FN1: variants seen among roughly 807,000 people sequenced by gnomAD.
The protein encoded by FN1 is fibronectin.
A neutral mutation model predicts 297.3 loss-of-function variants in FN1; 106 were observed. That is an observed-to-expected ratio of 0.36 (90% CI 0.30 to 0.42). The LOEUF is 0.42. FN1 is among the 10% of genes least tolerant of loss of function. The pLI, the probability that FN1 is intolerant of heterozygous loss-of-function variation, is 1.00. For synonymous variants in FN1, 1,149 were observed against 1,152.6 expected (o/e 1.00, Z 0.06); for missense variants, 2,690 against 3,124.9 (o/e 0.86, Z 3.32).
intron 20 of FN1, among the ~76,000 whole-genome samples, 160 bp from the exon 21 acceptor site, chr2:215,399,511 G>A (rs377031958): frequency 6.6e-6 from 1 of 152,160 alleles, no homozygotes; most frequent in African/African-American, 2.4e-5. Context: ...GAGAGGATCA[G>A]GCTTCTCAAT....
At position 215,425,595 on chromosome 2, in the gene FN1, C is replaced by T. The variant is rs184924726; in HGVS notation, c.845-310G>A. Among the ~76,000 whole-genome samples, 375 of 152,252 alleles carry T rather than the reference C, an allele frequency of 2.5e-3. 1 individual carries two copies. The highest frequency in any genetic ancestry group is 8.4e-3 in the African/African-American group (350 of 41,532). On this transcript the variant is annotated intron_variant, in intron 6 of 45. Transcript: ENST00000354785. ...TGAGATGGGGTCTCACTCTGTTGCC[C>T]AGGCTGGAGTGCAGTGGCGCGGTCT... is the stretch of plus-strand genomic sequence containing the variant.
At chr2:215,364,610 A>G in intron 44 of FN1, 1 of 538,282 alleles carries the variant, frequency 1.9e-6, no homozygotes, top group Non-Finnish European at 3.4e-6. Context: ...AGGTGTTGCT[A>G]TTAAGAATGA....
chr2:215,436,013 C>T lies in FN1; in HGVS notation c.-211G>A. Reference sequence around the variant, plus strand: ...AAGTTGTGGCTGCAGGTCCCCTCTTCCCGCTCGCGCCTGGGGTTCCCTCTC... The same window carrying T: ...AAGTTGTGGCTGCAGGTCCCCTCTTTCCGCTCGCGCCTGGGGTTCCCTCTC... On this transcript the variant is annotated 5_prime_UTR_variant, in exon 1 of 46. Transcript: ENST00000354785. 9.2e-7 allele frequency: 1 copy of T among 1,091,066 alleles called. No individual in the cohort carries two copies. The highest frequency in any genetic ancestry group is 1.8e-5 in the South Asian group (1 of 56,872). 67.6% of individuals were successfully genotyped at this position (1,091,066 alleles called of 1,614,324 possible). A position where few individuals can be genotyped will look rare whatever the true frequency, so the allele number is the denominator to read the frequency against.
chr2:215,383,001 CTTT>C (rs548983543), intron 31 of FN1, among the ~76,000 whole-genome samples: 1 of 142,018 alleles, frequency 7.0e-6, no homozygotes, highest in Non-Finnish European at 1.5e-5. Flanking sequence ...GCAGATTACT[CTTT>C]TTTTTTTTTT....
In FN1 at chr2:215,383,403, G is replaced by A. The variant is rs768805155; in HGVS notation, c.4975C>T (p.Pro1659Ser). 7 of 1,613,956 alleles carry A rather than the reference G, an allele frequency of 4.3e-6. No homozygotes were observed. Among genetic ancestry groups the A allele is most frequent in the East Asian group, 2.2e-5 (1 of 44,882 alleles). The change falls in exon 31 of 46, where the codon CCT (proline) becomes TCT (serine). Residue 1659 changes from proline (P) to serine (S), a missense_variant. Physicochemically the swap from Pro to Ser is moderately conservative, Grantham distance 74 (BLOSUM62 -1). Around this residue, in one of 3 missense-constraint regions of FN1, gnomAD observed 1,743 missense variants for 1,945.2 expected, o/e 0.90. Coordinates refer to ENST00000354785, the MANE Select transcript of FN1 (RefSeq NM_212482.4). ...ISVKWLPSSS[P>S]VTGYRVTTTP... Reference sequence around the variant, plus strand: ...GTGGTTACTCTGTAACCAGTAACAGGGGAACTTGAAGGCAGCCACTTGACA... The same window carrying A: ...GTGGTTACTCTGTAACCAGTAACAGAGGAACTTGAAGGCAGCCACTTGACA...
Position 215,394,521 on chromosome 2 carries a change from C to A in FN1, c.3796+7G>T. 1 of 1,609,520 alleles carries A rather than the reference C, an allele frequency of 6.2e-7. No homozygotes were observed. Among genetic ancestry groups the A allele is most frequent in the African/African-American group, 1.3e-5 (1 of 74,922 alleles). ...ACTCTCAGGATAGCAGCTTATTTTTCTATTACCTGGGATGATGGTATCAGA... is the reference window on the plus strand; with the variant it reads ...ACTCTCAGGATAGCAGCTTATTTTTATATTACCTGGGATGATGGTATCAGA... On this transcript the variant is annotated splice_region_variant and intron_variant, in intron 24 of 45. Coordinates refer to ENST00000354785, the MANE Select transcript of FN1 (RefSeq NM_212482.4).
intron 27 of FN1, 133 bp downstream of exon 27, chr2:215,388,079 A>G: frequency 1.4e-6 from 1 of 728,834 alleles, no homozygotes; most frequent in East Asian, 2.7e-5. Context: ...CGATAAAATC[A>G]TACTGTGATG....
At chr2:215,397,332 C>T (rs1329090411) in intron 22 of FN1, 109 bp from the exon 23 acceptor site, 2 of 785,752 alleles carry the variant, frequency 2.5e-6, no homozygotes, top group Admixed American at 1.8e-5. Context: ...CCCTCCCTCC[C>T]TCCCTCCCAT....
intron 2 of FN1, 106 bp downstream of exon 2, chr2:215,434,590 T>C: frequency 7.6e-7 from 1 of 1,314,758 alleles, no homozygotes; most frequent in Admixed American, 1.7e-5. Flanking sequence ...TGACAGGTAA[T>C]TCTATTAGAA....
intron 21 of FN1, among the ~76,000 whole-genome samples, chr2:215,398,285 T>A (rs1033217422): frequency 5.3e-5 from 8 of 152,258 alleles, no homozygotes; most frequent in African/African-American, 1.9e-4. Flanking sequence ...CTGTAGCAAC[T>A]GTATTGCAAA....
intron 25 of FN1, chr2:215,392,571 C>A: frequency 3.2e-6 from 1 of 312,180 alleles, no homozygotes; most frequent in Non-Finnish European, 6.2e-6. Flanking sequence ...TGATATATTT[C>A]TTATAATTAA....
In FN1 at chr2:215,411,472, C is replaced by T. The variant is rs75166715; in HGVS notation, c.1942-1358G>A. On this transcript the variant is annotated intron_variant, in intron 13 of 45. Coordinates refer to ENST00000354785, the MANE Select transcript of FN1 (RefSeq NM_212482.4). ...AAATACACTGTGGAAAATTTTGAAA[C>T]CAGTCATTGCAATTAGCTCAAATTT... Among the ~76,000 whole-genome samples the T allele has an allele frequency of 9.8e-3, 1,485 of 152,266 alleles. 28 individuals are homozygous for T. The highest frequency in any genetic ancestry group is 0.034 in the African/African-American group (1,394 of 41,526).
rs770542781 is a variant in FN1, at chr2:215,414,942, GACAGGACC to G, written c.1828_1835del (p.Gly610ArgfsTer6). The G allele has an allele frequency of 6.2e-7, 1 of 1,613,452 alleles. No homozygotes were observed. Among genetic ancestry groups the G allele is most frequent in the Non-Finnish European group, 8.5e-7 (1 of 1,179,654 alleles). On this transcript the variant is annotated frameshift_variant, in exon 13 of 46. Coordinates refer to ENST00000354785, the MANE Select transcript of FN1 (RefSeq NM_212482.4). LOFTEE classifies it high-confidence loss of function. ...TCGGAGTCTCAGTGATAAATACTTCGACAGGACCACTTGAGCCTGAAAATGAAAATGTA... is the reference window on the plus strand; with the variant it reads ...TCGGAGTCTCAGTGATAAATACTTCGACTTGAGCCTGAAAATGAAAATGTA...
At chr2:215,396,103 G>A (rs1448801237) in intron 23 of FN1, among the ~76,000 whole-genome samples, 8 of 152,184 alleles carry the variant, frequency 5.3e-5, no homozygotes, top group African/African-American at 1.9e-4. Context: ...CCTTAGCTCT[G>A]TGCCCCGGCA....
At position 215,428,356 on chromosome 2, in the gene FN1, C is replaced by CACAT; in HGVS notation, c.686-22_686-19dup. 1 of 1,612,752 alleles carries CACAT rather than the reference C, an allele frequency of 6.2e-7. No individual in the cohort carries two copies. The highest frequency in any genetic ancestry group is 8.5e-7 in the Non-Finnish European group (1 of 1,179,130). On this transcript the variant is annotated intron_variant, in intron 5 of 45. Coordinates refer to ENST00000354785, the MANE Select transcript of FN1 (RefSeq NM_212482.4). The stretch of plus-strand genomic sequence containing the variant: ...GCATCTATCTGTGTCACAAAGGAAG[C>CACAT]ACATACATACATCAGGTCGAGAGTC...
Position 215,397,837 on chromosome 2 carries a change from T to C in FN1, c.3360A>G (p.Arg1120=), listed in dbSNP as rs1479010067. 1 of 1,614,128 alleles carries C rather than the reference T, an allele frequency of 6.2e-7. No individual in the cohort carries two copies. The highest frequency in any genetic ancestry group is 1.1e-5 in the South Asian group (1 of 91,084). The change falls in exon 22 of 46, where the codon CGA becomes CGG. Residue 1120 remains arginine (R), a synonymous_variant. Transcript: ENST00000354785. Reference sequence around the variant, plus strand: ...GTGGTGCCTCTCCTCCCTGGCTTGGTCGTACACCCAGCTAGAGGAAGGAAT... The same window carrying C: ...GTGGTGCCTCTCCTCCCTGGCTTGGCCGTACACCCAGCTAGAGGAAGGAAT... ...APRIGFKLGV[R]PSQGGEAPRE...
chr2:215,397,297 T>C (rs1317740557), intron 22 of FN1, 74 bp from the exon 23 acceptor site: 2 of 1,027,936 alleles, frequency 1.9e-6, no homozygotes, highest in Non-Finnish European at 3.1e-6. Context: ...CCTCCTTCCC[T>C]ACCTCCCTCT....
chr2:215,386,562 T>G, intron 28 of FN1, 127 bp downstream of exon 28: 1 of 747,596 alleles, frequency 1.3e-6, no homozygotes, highest in Non-Finnish European at 2.1e-6. Flanking sequence ...ACCATGACAA[T>G]GATCTATTTT....
At chr2:215,371,399 G>A (rs1258431177) in intron 40 of FN1, among the ~76,000 whole-genome samples, 2 of 151,594 alleles carry the variant, frequency 1.3e-5, no homozygotes, top group Non-Finnish European at 2.9e-5. Flanking sequence ...AGATAGTGGG[G>A]TTCTTCAAGG....
Sources: allele counts gnomAD v4.1 joint callset (sites outside exome capture counted in the v4.1 genomes callset), GRCh38; gene constraint gnomAD v4.1.1; regional missense constraint gnomAD v4.1.1; transcripts MANE v1.5; gene names NCBI Gene and HGNC (gene_info 2026-07-23, HGNC 2026-07-21).